The following COL7A1 variants were observed in gnomAD, a reference collection of about 807,000 sequenced individuals.
The protein encoded by COL7A1 is collagen type VII alpha 1 chain, also known as collagen alpha-1(VII) chain.
In COL7A1, 296 loss-of-function variants were observed where a neutral mutation model predicts 456.2. The observed-to-expected ratio is 0.65, with a 90% CI of 0.59 to 0.71. COL7A1 has a LOEUF of 0.71. Ranked by LOEUF, COL7A1 falls within the 30% of genes least tolerant of loss-of-function variation. COL7A1 has a pLI of 0.00. For missense variants in COL7A1, 3,441 were observed against 4,017.2 expected, an observed-to-expected ratio of 0.86 and a Z score of 3.88; for synonymous variants, 1,464 against 1,525.9, an observed-to-expected ratio of 0.96 and a Z score of 0.95.
Position 48,587,914 on chromosome 3 carries a change from C to T in COL7A1, c.2736G>A (p.Leu912=). The T allele has an allele frequency of 6.2e-7, 1 of 1,602,170 alleles. No individual in the cohort carries two copies. The highest frequency in any genetic ancestry group is 8.5e-7 in the Non-Finnish European group (1 of 1,174,810). Residue 912 remains leucine, a synonymous_variant, in exon 22 of 119, where the codon CTG becomes CTA. Coordinates refer to ENST00000681320, the MANE Select transcript of COL7A1 (RefSeq NM_000094.4). This position sits in a 1 kb window ranked among gnomAD's most constrained non-coding sequence, Gnocchi z 6.1. ...GGTGATAGCTGCTGAGCTCGGGCCC[C>T]AGGACCCGGGACTGTTCCTGGCCAC... ...PEGGQEQSRV[L]GPELSSYHLD...
At position 48,590,085 on chromosome 3, in the gene COL7A1, G is replaced by C; in HGVS notation, c.2050+128C>G. ...TGAAGAGGAAGCAGCGTCTCTGAGG[G>C]AGGAGGGAGTGGGATTCTGAAGGGG... On this transcript the variant is annotated intron_variant, in intron 16 of 118. Coordinates refer to ENST00000681320, the MANE Select transcript of COL7A1 (RefSeq NM_000094.4). The surrounding 1 kb of genome is among the most constrained non-coding windows in gnomAD (Gnocchi z 4.6). The C allele has an allele frequency of 9.8e-7, 1 of 1,024,084 alleles. No homozygotes were observed. The highest frequency in any genetic ancestry group is 1.4e-6 in the Non-Finnish European group (1 of 697,568). The allele number at this position is 1,024,084 out of a possible 1,614,324, so 63.4% of individuals were successfully genotyped here. A position where few individuals can be genotyped will look rare whatever the true frequency, so the allele number is the denominator to read the frequency against.
rs2043810540 is a variant in COL7A1, at chr3:48,570,023, TAGACGAGG to T, written c.7485+103_7486-109del. 3.1e-6 allele frequency: 5 copies of T among 1,592,976 alleles called. No homozygotes were observed. The highest frequency in any genetic ancestry group is 4.3e-6 in the Non-Finnish European group (5 of 1,162,806). On this transcript the variant is annotated intron_variant, in intron 99 of 118. Transcript: ENST00000681320. This position sits in a 1 kb window ranked among gnomAD's most constrained non-coding sequence, Gnocchi z 5.5. ...GGGGACCAGACAAAGGGGACAGGGG[TAGACGAGG>T]AGGGCCAGAGGGCTAGGGAGGATGG...
chr3:48,572,506 C>T lies in COL7A1; in HGVS notation c.6933G>A (p.Glu2311=), dbSNP rs2107657095. 6.2e-7 allele frequency: 1 copy of T among 1,614,000 alleles called. No individual in the cohort carries two copies. Among genetic ancestry groups the T allele is most frequent in the Non-Finnish European group, 8.5e-7 (1 of 1,179,938 alleles). ...TGGCAGCCCCACACACACTCACCTT[C>T]TCTCCCTTTGCTCCAGGGAGCCCGA... ...AVVGLPGAKG[E]KGAPGGLAGD... is the part of the protein sequence containing the mutation. The change falls in exon 89 of 119, where the codon GAG becomes GAA. Residue 2311 remains glutamate, a synonymous_variant. Transcript: ENST00000681320. The surrounding 1 kb of genome is among the most constrained non-coding windows in gnomAD (Gnocchi z 4.6).
Position 48,582,401 on chromosome 3 carries a change from C to G in COL7A1, c.4600-43G>C, listed in dbSNP as rs577629328. 2.4e-5 allele frequency: 38 copies of G among 1,614,078 alleles called. 1 individual carries two copies. The South Asian group carries it at 4.2e-4, about 18-fold the overall frequency. ...GAGCAGGGACAGGTCAGGGAGTCAC[C>G]TAGGAGCCCAAAATCCCAGTGTCCC... On this transcript the variant is annotated intron_variant, in intron 46 of 118. Coordinates refer to ENST00000681320, the MANE Select transcript of COL7A1 (RefSeq NM_000094.4).
chr3:48,569,291 T>G lies in COL7A1; in HGVS notation c.7686+84A>C. 1 of 1,527,496 alleles carries G rather than the reference T, an allele frequency of 6.5e-7. No homozygotes were observed. The highest frequency in any genetic ancestry group is 2.3e-5 in the East Asian group (1 of 44,366). 94.6% of individuals were successfully genotyped at this position (1,527,496 alleles called of 1,614,324 possible). ...CTAAACCCCAGAAAGCCTCCTCCTGTCCTCCCCTCCTGCCCTCACAGATGC... is the reference window on the plus strand; with the variant it reads ...CTAAACCCCAGAAAGCCTCCTCCTGGCCTCCCCTCCTGCCCTCACAGATGC... On this transcript the variant is annotated intron_variant, in intron 103 of 118. Transcript: ENST00000681320. The surrounding 1 kb of genome is among the most constrained non-coding windows in gnomAD (Gnocchi z 4.9).
Position 48,583,065 on chromosome 3 carries a change from G to A in COL7A1, c.4483-17C>T, listed in dbSNP as rs1352094463. The A allele has an allele frequency of 3.1e-6, 5 of 1,614,008 alleles. No individual in the cohort carries two copies. Among genetic ancestry groups the A allele is most frequent in the Non-Finnish European group, 3.4e-6 (4 of 1,179,984 alleles). On this transcript the variant is annotated splice_polypyrimidine_tract_variant and intron_variant, in intron 43 of 118. Coordinates refer to ENST00000681320, the MANE Select transcript of COL7A1 (RefSeq NM_000094.4). The surrounding 1 kb of genome is among the most constrained non-coding windows in gnomAD (Gnocchi z 5.1). ...ACGTTCGCCCTGATGGAAAAGAAGA[G>A]GTCAGAGCTGAGTTGGGCCCAGATC...
chr3:48,592,829 G>C lies in COL7A1; in HGVS notation c.792C>G (p.Val264=). 1 of 1,613,852 alleles carries C rather than the reference G, an allele frequency of 6.2e-7. No individual in the cohort carries two copies. The change falls in exon 7 of 119, where the codon GTC becomes GTG. Residue 264 remains valine (V), a synonymous_variant. Coordinates refer to ENST00000681320, the MANE Select transcript of COL7A1 (RefSeq NM_000094.4). This position sits in a 1 kb window ranked among gnomAD's most constrained non-coding sequence, Gnocchi z 7.6. ...CCAGCCCCGTCAGAGGAGTGTACTGGACCTTGTAGCCAGTCACAGGGCCAC... is the reference window on the plus strand; with the variant it reads ...CCAGCCCCGTCAGAGGAGTGTACTGCACCTTGTAGCCAGTCACAGGGCCAC... ...AASGPVTGYK[V]QYTPLTGLGQ...
Position 48,569,472 on chromosome 3 carries a change from C to T in COL7A1, c.7615-26G>A, listed in dbSNP as rs78407388. ...CTGGGTTGGTTTGGGTAAGAAGTCA[C>T]GGTAAGGGGCTGAAGGTCCCTCACC... On this transcript the variant is annotated intron_variant, in intron 102 of 118. Transcript: ENST00000681320. The surrounding 1 kb of genome is among the most constrained non-coding windows in gnomAD (Gnocchi z 4.9). 5.6e-6 allele frequency: 9 copies of T among 1,613,976 alleles called. No homozygotes were observed. Among genetic ancestry groups the T allele is most frequent in the African/African-American group, 5.3e-5 (4 of 74,912 alleles).
At position 48,570,554 on chromosome 3, in the gene COL7A1, C is replaced by T. The variant is rs1575425222; in HGVS notation, c.7345-54G>A. On this transcript the variant is annotated intron_variant, in intron 96 of 118. Transcript: ENST00000681320. The surrounding 1 kb of genome is among the most constrained non-coding windows in gnomAD (Gnocchi z 5.5). ...GTGGCTCTCAAAGCGCCTCCCCCAACACCCCACAGTGTGGCCCGCCCCATC... is the reference window on the plus strand; with the variant it reads ...GTGGCTCTCAAAGCGCCTCCCCCAATACCCCACAGTGTGGCCCGCCCCATC... The T allele has an allele frequency of 6.2e-7, 1 of 1,613,858 alleles. No individual in the cohort carries two copies. The highest frequency in any genetic ancestry group is 1.7e-5 in the Admixed American group (1 of 60,010).
In COL7A1 at chr3:48,588,160, A is replaced by G; in HGVS notation, c.2710+122T>C. 1 of 1,494,544 alleles carries G rather than the reference A, an allele frequency of 6.7e-7. No individual in the cohort carries two copies. Among genetic ancestry groups the G allele is most frequent in the Non-Finnish European group, 9.1e-7 (1 of 1,093,882 alleles). The allele number at this position is 1,494,544 out of a possible 1,614,324, so 92.6% of individuals were successfully genotyped here. On this transcript the variant is annotated intron_variant, in intron 21 of 118. Transcript: ENST00000681320. This position sits in a 1 kb window ranked among gnomAD's most constrained non-coding sequence, Gnocchi z 4.6. ...TCATTGATTGATCTTACCTACTGTC[A>G]CGGATCCCGCAGACCCCCAGTGACA...
rs965023818 is a variant in COL7A1, at chr3:48,578,421, G to A, written c.5487+32C>T. ...GGGATCGGGTGAGGGTAGTAAGGGG[G>A]AAAAGGGGGTAACATGAAAGTCTGG... On this transcript the variant is annotated intron_variant, in intron 64 of 118. Coordinates refer to ENST00000681320, the MANE Select transcript of COL7A1 (RefSeq NM_000094.4). This position sits in a 1 kb window ranked among gnomAD's most constrained non-coding sequence, Gnocchi z 4.7. 11 of 1,613,532 alleles carry A rather than the reference G, an allele frequency of 6.8e-6. No individual in the cohort carries two copies. The highest frequency in any genetic ancestry group is 9.3e-6 in the Non-Finnish European group (11 of 1,180,006).
At position 48,591,906 on chromosome 3, in the gene COL7A1, C is replaced by T. The variant is rs748854484; in HGVS notation, c.1349G>A (p.Arg450His). 38 of 1,614,172 alleles carry T rather than the reference C, an allele frequency of 2.4e-5. 1 individual carries two copies. The Admixed American group carries it at 3.2e-4, about 13-fold the overall frequency. The change falls in exon 11 of 119, where the codon CGT (arginine) becomes CAT (histidine). Residue 450 changes from arginine to histidine, a missense_variant. By Grantham distance (29) the Arg-to-His change is conservative. This residue lies in a region of COL7A1 where 913 missense variants were observed against 1,088.2 expected (regional missense o/e 0.84). Coordinates refer to ENST00000681320, the MANE Select transcript of COL7A1 (RefSeq NM_000094.4). This position sits in a 1 kb window ranked among gnomAD's most constrained non-coding sequence, Gnocchi z 7.0. ...CCTTCCCCCGCACTGACCAGTCTCA[C>T]GCCGCCATTCCAACCGGTAGCCACG... ...EARGYRLEWR[R>H]ETGLEPPQKV...
chr3:48,582,172 TG>T, intron 47 of COL7A1, 150 bp downstream of exon 47: 3 of 1,453,326 alleles, frequency 2.1e-6, no homozygotes, highest in Non-Finnish European at 2.9e-6. Flanking sequence ...GCCAAGAGTC[TG>T]GGGGCAGGTT....
At chr3:48,577,326 T>C (rs1375191008) in intron 65 of COL7A1, among the ~76,000 whole-genome samples, 1 of 152,246 alleles carries the variant, frequency 6.6e-6, no homozygotes, top group East Asian at 1.9e-4. Flanking sequence ...GTCCTGGGTG[T>C]GTGCATATCC....
chr3:48,567,309 G>T lies in COL7A1; in HGVS notation c.8047-119C>A. The T allele has an allele frequency of 7.7e-7, 1 of 1,293,562 alleles. No individual in the cohort carries two copies. The highest frequency in any genetic ancestry group is 1.1e-6 in the Non-Finnish European group (1 of 906,030). The allele number at this position is 1,293,562 out of a possible 1,614,324, so 80.1% of individuals were successfully genotyped here. A position where few individuals can be genotyped will look rare whatever the true frequency, so the allele number is the denominator to read the frequency against. ...CAAACCTTCTGTAACCCAAGCACCT[G>T]TGAGCCAACCAGATGTGATCCCCAT... On this transcript the variant is annotated intron_variant, in intron 109 of 118. Coordinates refer to ENST00000681320, the MANE Select transcript of COL7A1 (RefSeq NM_000094.4). This position sits in a 1 kb window ranked among gnomAD's most constrained non-coding sequence, Gnocchi z 4.3.
At position 48,590,090 on chromosome 3, in the gene COL7A1, G is replaced by T; in HGVS notation, c.2050+123C>A. On this transcript the variant is annotated intron_variant, in intron 16 of 118. Transcript: ENST00000681320. This position sits in a 1 kb window ranked among gnomAD's most constrained non-coding sequence, Gnocchi z 4.6. ...AGGAAGCAGCGTCTCTGAGGGAGGA[G>T]GGAGTGGGATTCTGAAGGGGGAGGC... 1.9e-6 allele frequency: 2 copies of T among 1,061,072 alleles called. No individual in the cohort carries two copies. Among genetic ancestry groups the T allele is most frequent in the Non-Finnish European group, 2.7e-6 (2 of 728,338 alleles). 65.7% of individuals were successfully genotyped at this position (1,061,072 alleles called of 1,614,324 possible). A position where few individuals can be genotyped will look rare whatever the true frequency, so the allele number is the denominator to read the frequency against.
chr3:48,571,173 G>C lies in COL7A1; in HGVS notation c.7105-13C>G, dbSNP rs1469173561. On this transcript the variant is annotated splice_polypyrimidine_tract_variant and intron_variant, in intron 93 of 118. Coordinates refer to ENST00000681320, the MANE Select transcript of COL7A1 (RefSeq NM_000094.4). The surrounding 1 kb of genome is among the most constrained non-coding windows in gnomAD (Gnocchi z 4.6). ...CTCCTGGGTCACCCTTTGAGGAAAAGAGGCATCGGATCAAGCTCAGGGAGT... is the reference window on the plus strand; with the variant it reads ...CTCCTGGGTCACCCTTTGAGGAAAACAGGCATCGGATCAAGCTCAGGGAGT... 1.9e-6 allele frequency: 3 copies of C among 1,614,116 alleles called. No individual in the cohort carries two copies. Among genetic ancestry groups the C allele is most frequent in the Non-Finnish European group, 8.5e-7 (1 of 1,180,028 alleles).
chr3:48,572,986 C>A lies in COL7A1; in HGVS notation c.6750+35G>T. On this transcript the variant is annotated intron_variant, in intron 86 of 118. Transcript: ENST00000681320. This position sits in a 1 kb window ranked among gnomAD's most constrained non-coding sequence, Gnocchi z 4.6. ...GTCAGGGCTGCCTGTCGACCCTTGA[C>A]CCCTGGAGCCCAACCCTTGACCCCC... The A allele has an allele frequency of 6.2e-7, 1 of 1,614,054 alleles. No individual in the cohort carries two copies. The highest frequency in any genetic ancestry group is 8.5e-7 in the Non-Finnish European group (1 of 1,180,020).
chr3:48,588,962 T>C lies in COL7A1; in HGVS notation c.2348A>G (p.Gln783Arg). The C allele has an allele frequency of 3.1e-6, 5 of 1,613,546 alleles. No homozygotes were observed. Among genetic ancestry groups the C allele is most frequent in the Non-Finnish European group, 4.2e-6 (5 of 1,180,026 alleles). ...AACGTCGCTGGAAGCATTGAGGATCTGCAGCCTCGACACACGACCCACAGG... is the reference window on the plus strand; with the variant it reads ...AACGTCGCTGGAAGCATTGAGGATCCGCAGCCTCGACACACGACCCACAGG... ...PEPVGRVSRL[Q>R]ILNASSDVLR... The change falls in exon 19 of 119, where the codon CAG becomes CGG. Residue 783 changes from glutamine (Q) to arginine (R), a missense_variant. Gln to Arg is a conservative substitution (Grantham distance 43). Transcript: ENST00000681320. The surrounding 1 kb of genome is among the most constrained non-coding windows in gnomAD (Gnocchi z 4.6).
Sources: allele counts gnomAD v4.1 joint callset (sites outside exome capture counted in the v4.1 genomes callset), GRCh38; gene constraint gnomAD v4.1.1; regional missense constraint gnomAD v4.1.1; non-coding constraint Gnocchi (gnomAD v3.1); transcripts MANE v1.5; gene names NCBI Gene and HGNC (gene_info 2026-07-23, HGNC 2026-07-21).